TRAF3: variants seen among roughly 807,000 people sequenced by gnomAD.
TRAF3 encodes the protein TNF receptor-associated factor 3.
Under a neutral mutation model 62.3 loss-of-function variants are expected in TRAF3, and 13 were observed. That is an observed-to-expected ratio of 0.21 (90% CI 0.14 to 0.33). The LOEUF (loss-of-function observed/expected upper bound fraction) is 0.33, where lower values mean the gene tolerates loss of function less well. Ranked by LOEUF, TRAF3 falls within the 10% of genes least tolerant of loss-of-function variation. The pLI is 1.00. For missense variants in TRAF3, 440 were observed against 741.8 expected (o/e 0.59, Z 4.73); for synonymous variants, 269 against 283.4 (o/e 0.95, Z 0.51).
At chr14:102,882,024 G>T (rs1432021975) in intron 6 of TRAF3, among the ~76,000 whole-genome samples, 1 of 152,216 alleles carries the variant, frequency 6.6e-6, no homozygotes, top group African/African-American at 2.4e-5. Context: ...TTTGCAGTCT[G>T]ATGAGAGAGA....
chr14:102,812,096 C>T (rs1015166537), intron 1 of TRAF3, among the ~76,000 whole-genome samples: 7 of 151,612 alleles, frequency 4.6e-5, no homozygotes, highest in Admixed American at 6.6e-5. Context: ...TGCAGTCATC[C>T]GACAGTGCTA....
chr14:102,797,194 A>T (rs1898141082), intron 1 of TRAF3, among the ~76,000 whole-genome samples: 1 of 152,248 alleles, frequency 6.6e-6, no homozygotes, highest in African/African-American at 2.4e-5. Context: ...GAATCAATAT[A>T]GTTACCCCTT....
At chr14:102,853,530 T>A (rs1449383889) in intron 2 of TRAF3, among the ~76,000 whole-genome samples, 2 of 152,046 alleles carry the variant, frequency 1.3e-5, no homozygotes, top group African/African-American at 4.8e-5. Flanking sequence ...ACTCAGTGGC[T>A]TTGTGTATAT....
chr14:102,785,618 G>A (rs977615305), intron 1 of TRAF3, among the ~76,000 whole-genome samples: 2 of 152,216 alleles, frequency 1.3e-5, no homozygotes, highest in Non-Finnish European at 2.9e-5. Context: ...CAGATTGCCT[G>A]TGGAAATATG....
intron 2 of TRAF3, among the ~76,000 whole-genome samples, chr14:102,849,501 C>T (rs1273794915): frequency 3.9e-5 from 6 of 152,258 alleles, no homozygotes; most frequent in African/African-American, 1.4e-4. Flanking sequence ...GGGATACTGA[C>T]AATGCTGGGC....
chr14:102,865,590 C>T (rs1049751903), intron 2 of TRAF3, among the ~76,000 whole-genome samples: 1 of 151,266 alleles, frequency 6.6e-6, no homozygotes, highest in Non-Finnish European at 1.5e-5. Context: ...ACCTCTGCCT[C>T]CCAGGTTCAA....
rs765600337 is a variant in TRAF3, at chr14:102,903,946, C to T, written c.1135+517C>T. On this transcript the variant is annotated intron_variant, in intron 11 of 11. Coordinates refer to ENST00000392745, the MANE Select transcript of TRAF3 (RefSeq NM_145725.3). This position sits in a 1 kb window ranked among gnomAD's most constrained non-coding sequence, Gnocchi z 6.4. ...AATGGCAGAAAGGAACACAGATTAC[C>T]GGTGTGTGTGTGGGGCCGGATGAAG... The T allele has an allele frequency of 4.7e-5, 18 of 385,728 alleles. No homozygotes were observed. The highest frequency in any genetic ancestry group is 1.0e-4 in the African/African-American group (5 of 47,948). The allele number at this position is 385,728 out of a possible 1,614,324, so 23.9% of individuals were successfully genotyped here.
At chr14:102,787,753 G>C (rs867329725) in intron 1 of TRAF3, among the ~76,000 whole-genome samples, 9 of 150,958 alleles carry the variant, frequency 6.0e-5, no homozygotes, top group Non-Finnish European at 1.2e-4. Context: ...CTCTTCAAAG[G>C]GGTCTTCTGA....
chr14:102,879,628 C>T (rs1443169544), intron 6 of TRAF3, among the ~76,000 whole-genome samples: 3 of 151,520 alleles, frequency 2.0e-5, no homozygotes, highest in African/African-American at 7.3e-5. Flanking sequence ...GAGTTGTAGT[C>T]CTCTTAGGTT....
chr14:102,881,401 A>C (rs982793719), intron 6 of TRAF3, among the ~76,000 whole-genome samples: 12 of 147,576 alleles, frequency 8.1e-5, no homozygotes, highest in Middle Eastern at 3.2e-3. Flanking sequence ...AAAACAAAAA[A>C]AAAAAAAAAG....
intron 1 of TRAF3, among the ~76,000 whole-genome samples, chr14:102,802,096 C>A (rs1898465574): frequency 1.3e-5 from 2 of 150,084 alleles, no homozygotes; most frequent in Non-Finnish European, 3.0e-5. Flanking sequence ...TAGTGGTCGT[C>A]CCACCTTGGC....
intron 2 of TRAF3, among the ~76,000 whole-genome samples, chr14:102,861,375 G>A (rs188578868): frequency 1.0e-3 from 152 of 152,256 alleles, no homozygotes; most frequent in African/African-American, 3.6e-3. Flanking sequence ...CTAAATTTTA[G>A]GAAGGACTCT....
chr14:102,855,961 G>A (rs1029569915), intron 2 of TRAF3, among the ~76,000 whole-genome samples: 2 of 151,770 alleles, frequency 1.3e-5, no homozygotes, highest in African/African-American at 2.4e-5. Flanking sequence ...GCATGGTTGT[G>A]TATGCCTGTA....
rs759919303 is a variant in TRAF3, at chr14:102,903,498, C to T, written c.1135+69C>T. On this transcript the variant is annotated intron_variant, in intron 11 of 11. Transcript: ENST00000392745. The surrounding 1 kb of genome is among the most constrained non-coding windows in gnomAD (Gnocchi z 6.4). ...CCCGGGCGAGTGCTGGGGCGGGGTC[C>T]GTGGGATGAGGGCTATGTTAGGTAC... is the stretch of plus-strand genomic sequence containing the variant. 3.1e-6 allele frequency: 5 copies of T among 1,604,326 alleles called. No individual in the cohort carries two copies. Among genetic ancestry groups the T allele is most frequent in the Admixed American group, 1.7e-5 (1 of 59,026 alleles).
intron 1 of TRAF3, among the ~76,000 whole-genome samples, chr14:102,803,411 G>T (rs1212511761): frequency 6.6e-6 from 1 of 152,082 alleles, no homozygotes; most frequent in African/African-American, 2.4e-5. Flanking sequence ...TGGGTCTTGG[G>T]CAGTTACCTT....
intron 2 of TRAF3, among the ~76,000 whole-genome samples, chr14:102,836,393 C>G (rs1321052139): frequency 2.0e-5 from 3 of 152,070 alleles, no homozygotes; most frequent in Non-Finnish European, 4.4e-5. Flanking sequence ...ATTTTATGTT[C>G]AAGATATTGA....
At chr14:102,837,855 T>G (rs1169669947) in intron 2 of TRAF3, among the ~76,000 whole-genome samples, 1 of 152,198 alleles carries the variant, frequency 6.6e-6, no homozygotes, top group Non-Finnish European at 1.5e-5. Context: ...TAGCTCTGAC[T>G]TTGGGCAAGT....
At chr14:102,791,813 C>T (rs1595286029) in intron 1 of TRAF3, among the ~76,000 whole-genome samples, 3 of 146,290 alleles carry the variant, frequency 2.1e-5, no homozygotes, top group Non-Finnish European at 3.0e-5. Flanking sequence ...TCTTTCTTTC[C>T]TTTTTTTTTT....
chr14:102,887,314 C>T (rs562014227), intron 7 of TRAF3, among the ~76,000 whole-genome samples: 24 of 152,306 alleles, frequency 1.6e-4, no homozygotes, highest in African/African-American at 5.5e-4. Flanking sequence ...TACTGGGTAA[C>T]AGGGAGAACC....
Sources: allele counts gnomAD v4.1 joint callset (sites outside exome capture counted in the v4.1 genomes callset), GRCh38; gene constraint gnomAD v4.1.1; non-coding constraint Gnocchi (gnomAD v3.1); transcripts MANE v1.5; gene names NCBI Gene and HGNC (gene_info 2026-07-23, HGNC 2026-07-21).